The following SHTN1 variants were observed in gnomAD, a reference collection of about 807,000 sequenced individuals.
The protein encoded by SHTN1 is shootin-1.
SHTN1 carries 42 observed loss-of-function variants against 83.1 expected under a neutral mutation model. The observed-to-expected ratio is 0.51, with a 90% CI of 0.39 to 0.65. The LOEUF (loss-of-function observed/expected upper bound fraction) is 0.65. Among genes scored for constraint, SHTN1 ranks in the 30% least tolerant of loss-of-function variants. The pLI is 0.00. For missense variants in SHTN1, 622 were observed against 737.8 expected (o/e 0.84, Z 1.82); for synonymous variants, 224 against 247.7 (o/e 0.90, Z 0.90).
intron 1 of SHTN1, among the ~76,000 whole-genome samples, chr10:117,075,053 C>G (rs1853132982): frequency 6.6e-6 from 1 of 152,022 alleles, no homozygotes; most frequent in African/African-American, 2.4e-5. Context: ...ATATAAATAA[C>G]TGAATTTTAC....
At chr10:117,089,280 C>T (rs1454577064) in intron 1 of SHTN1, among the ~76,000 whole-genome samples, 1 of 152,038 alleles carries the variant, frequency 6.6e-6, no homozygotes, top group Non-Finnish European at 1.5e-5. Context: ...AAACAGTACA[C>T]TTAAAACAAC....
chr10:117,024,058 T>A (rs1852296064), intron 2 of SHTN1, among the ~76,000 whole-genome samples: 1 of 95,992 alleles, frequency 1.0e-5, no homozygotes, highest in Non-Finnish European at 2.8e-5. Flanking sequence ...CCAAAAATCA[T>A]CCGGGGCCCT....
At chr10:116,904,869 GAC>G (rs1285532606) in intron 15 of SHTN1, among the ~76,000 whole-genome samples, 1 of 152,168 alleles carries the variant, frequency 6.6e-6, no homozygotes, top group Non-Finnish European at 1.5e-5. Flanking sequence ...AAATGTGAAC[GAC>G]AGAGCACTAA....
intron 2 of SHTN1, among the ~76,000 whole-genome samples, chr10:117,015,108 G>C (rs1032402851): frequency 3.3e-5 from 5 of 151,868 alleles, no homozygotes; most frequent in African/African-American, 1.2e-4. Flanking sequence ...TGATTTGCAG[G>C]TCCTTCAAGG....
At chr10:116,910,719 G>C (rs1272307657) in intron 14 of SHTN1, among the ~76,000 whole-genome samples, 1 of 152,144 alleles carries the variant, frequency 6.6e-6, no homozygotes, top group Non-Finnish European at 1.5e-5. Context: ...CTGTCATAGG[G>C]AGTTCTCCTT....
intron 1 of SHTN1, among the ~76,000 whole-genome samples, chr10:117,082,520 G>T (rs1853286693): frequency 6.6e-6 from 1 of 151,922 alleles, no homozygotes; most frequent in African/African-American, 2.4e-5. Context: ...CTGTTGATTT[G>T]GGGTGGAGAG....
At chr10:116,989,847 A>G (rs1851356007) in intron 1 of SHTN1, among the ~76,000 whole-genome samples, 3 of 152,074 alleles carry the variant, frequency 2.0e-5, no homozygotes, top group Admixed American at 6.5e-5. Context: ...TCTCTTGTTC[A>G]TTTTGTCTTT....
intron 2 of SHTN1, among the ~76,000 whole-genome samples, chr10:117,029,535 T>C (rs1852376498): frequency 6.6e-6 from 1 of 152,186 alleles, no homozygotes; most frequent in Non-Finnish European, 1.5e-5. Flanking sequence ...GAATGCTGAA[T>C]GTTGGAGGTG....
chr10:116,893,152 C>T (rs940525078), intron 16 of SHTN1, among the ~76,000 whole-genome samples: 1 of 152,134 alleles, frequency 6.6e-6, no homozygotes, highest in Non-Finnish European at 1.5e-5. Flanking sequence ...GCTGTTTGCA[C>T]AGCAACTCAG....
intron 1 of SHTN1, among the ~76,000 whole-genome samples, chr10:117,049,014 C>A (rs1852706503): frequency 6.6e-6 from 1 of 152,068 alleles, no homozygotes. Flanking sequence ...CAATTGGGGA[C>A]CATATCTATC....
chr10:117,034,608 T>A (rs1852468713), intron 2 of SHTN1, among the ~76,000 whole-genome samples: 1 of 151,538 alleles, frequency 6.6e-6, no homozygotes, highest in East Asian at 1.9e-4. Context: ...ACCACTGAAC[T>A]CTAGCCTGGG....
intron 2 of SHTN1, among the ~76,000 whole-genome samples, chr10:116,977,701 A>C (rs1850860481): frequency 6.8e-6 from 1 of 147,614 alleles, no homozygotes. Context: ...TTGAGACAAG[A>C]TCTCACTCTG....
At chr10:117,024,390 T>C (rs1852302485) in intron 2 of SHTN1, among the ~76,000 whole-genome samples, 1 of 147,236 alleles carries the variant, frequency 6.8e-6, no homozygotes, top group African/African-American at 2.5e-5. Context: ...AGTCTTGTTC[T>C]GTCGCCCAGG....
Position 117,065,725 on chromosome 10 carries a change from GAT to G in SHTN1, c.-188-17217_-188-17216del, listed in dbSNP as rs1564947134. ...AAAGCGAGAGAGAGAGAGAGAGAGA[GAT>G]GAAAGAAAGAAAGAAAGAAAGAAAG... On this transcript the variant is annotated intron_variant, in intron 1 of 17. Coordinates refer to the SHTN1 transcript ENST00000392901. 2.8e-4 allele frequency among the ~76,000 whole-genome samples: 4 copies of G among 14,502 alleles called. 1 individual carries two copies. Among genetic ancestry groups the G allele is most frequent in the African/African-American group, 2.4e-4 (2 of 8,464 alleles). 9.5% of individuals were successfully genotyped at this position (14,502 alleles called of 152,430 possible). A position where few individuals can be genotyped will look rare whatever the true frequency, so the allele number is the denominator to read the frequency against.
At chr10:117,051,648 TAG>T (rs1168555258) in intron 1 of SHTN1, among the ~76,000 whole-genome samples, 2 of 150,498 alleles carry the variant, frequency 1.3e-5, no homozygotes, top group African/African-American at 4.9e-5. Context: ...ATTAGTAGAA[TAG>T]AGAGGAGGAA....
intron 11 of SHTN1, among the ~76,000 whole-genome samples, chr10:116,924,556 G>T (rs1159211238): frequency 1.3e-5 from 2 of 152,070 alleles, no homozygotes. Flanking sequence ...AAAACCAACA[G>T]TCAAGATGGG....
chr10:116,934,961 C>T (rs1175141997), intron 9 of SHTN1, among the ~76,000 whole-genome samples: 4 of 152,120 alleles, frequency 2.6e-5, no homozygotes, highest in Non-Finnish European at 4.4e-5. Context: ...CATGATTTGG[C>T]TATTTGTCTA....
At chr10:117,084,504 C>T (rs888501444) in intron 1 of SHTN1, among the ~76,000 whole-genome samples, 2 of 152,168 alleles carry the variant, frequency 1.3e-5, no homozygotes, top group East Asian at 1.9e-4. Context: ...TGTCTGTGCC[C>T]GCCCCCAGAG....
intron 1 of SHTN1, among the ~76,000 whole-genome samples, chr10:117,060,481 T>G (rs926562465): frequency 1.3e-5 from 2 of 152,156 alleles, no homozygotes; most frequent in African/African-American, 4.8e-5. Flanking sequence ...GTCAATAAAT[T>G]TAGAATTATT....
Sources: gnomAD v4.1 joint callset for allele counts (sites outside exome capture counted in the v4.1 genomes callset) on GRCh38, gnomAD v4.1.1 for gene constraint, MANE v1.5 for transcripts, NCBI Gene and HGNC (gene_info 2026-07-23, HGNC 2026-07-21) for gene names.